Variants in B3GALT5 observed in about 807,000 individuals in gnomAD.
B3GALT5 encodes the protein UDP-Gal:betaGlcNAc beta 1,3-galactosyltransferase, polypeptide 5.
For synonymous variants in B3GALT5, 156 were observed against 158.6 expected, an observed-to-expected ratio of 0.98 and a Z score of 0.12; for missense variants, 328 against 396.6, an observed-to-expected ratio of 0.83 and a Z score of 1.47.
chr21:39,652,125 T>C (rs1261554496), intron 2 of B3GALT5, among the ~76,000 whole-genome samples: 1 of 152,150 alleles, frequency 6.6e-6, no homozygotes, highest in Non-Finnish European at 1.5e-5. Flanking sequence ...ATTGTCCTTG[T>C]AGCAGCAGGT....
intron 1 of B3GALT5, among the ~76,000 whole-genome samples, chr21:39,622,148 C>T (rs2079137349): frequency 6.6e-6 from 1 of 151,664 alleles, no homozygotes; most frequent in South Asian, 2.1e-4. Flanking sequence ...TTTTTGAGGC[C>T]TACTTTTGAA....
intron 1 of B3GALT5, among the ~76,000 whole-genome samples, chr21:39,615,049 A>G (rs375018275): frequency 2.4e-5 from 3 of 124,768 alleles, no homozygotes; most frequent in Admixed American, 1.6e-4. Context: ...GTGGCCCTGC[A>G]TAAACCCAGG....
Position 39,666,949 on chromosome 21 carries a change from A to G in B3GALT5, c.*5457A>G, listed in dbSNP as rs1465097722. 1 of 152,116 alleles carries G rather than the reference A, an allele frequency of 6.6e-6. No homozygotes were observed. Among genetic ancestry groups the G allele is most frequent in the South Asian group, 2.1e-4 (1 of 4,822 alleles). The allele number at this position is 152,116 out of a possible 1,614,324, so 9.4% of individuals were successfully genotyped here. A position where few individuals can be genotyped will look rare whatever the true frequency, so the allele number is the denominator to read the frequency against. On this transcript the variant is annotated 3_prime_UTR_variant, in exon 4 of 4. Transcript: ENST00000684187. ...ACGGGCCTGTCCCTGCCACTTTCCA[A>G]TCTGTCCTCCACTTGACATTTGGAG...
chr21:39,622,595 G>C (rs2079139704), intron 1 of B3GALT5, among the ~76,000 whole-genome samples: 2 of 151,920 alleles, frequency 1.3e-5, no homozygotes, highest in South Asian at 4.2e-4. Context: ...TATCTTTCCT[G>C]CCTATCGTTG....
At chr21:39,653,817 G>A (rs2079416763) in intron 2 of B3GALT5, among the ~76,000 whole-genome samples, 1 of 152,326 alleles carries the variant, frequency 6.6e-6, no homozygotes, top group Admixed American at 6.5e-5. Flanking sequence ...AGCCCTAGGG[G>A]CAGTGACCAT....
At position 39,617,981 on chromosome 21, in the gene B3GALT5, A is replaced by T. The variant is rs539881022; in HGVS notation, c.-392+4914A>T. ...AGCGAATCCTCATCTCTATGAAAAA[A>T]ATAAATAAATAAAAAATAAAAAATT... On this transcript the variant is annotated intron_variant, in intron 1 of 3. Transcript: ENST00000684187. Among the ~76,000 whole-genome samples, 11 of 147,688 alleles carry T rather than the reference A, an allele frequency of 7.4e-5. 1 individual carries two copies. In the South Asian group the frequency reaches 2.2e-3, roughly 30 times the overall value.
rs1569212274 is a variant in B3GALT5, at chr21:39,639,386, C to CTTT, written c.-391-7006_-391-7005insTTT. On this transcript the variant is annotated intron_variant, in intron 1 of 3. Transcript: ENST00000684187. ...TCCTTCCTTCCTTCCTTCCTTCCTT[C>CTTT]CTTCCTTCTTTCTTTTTCTTTCTTT... 4.6e-4 allele frequency among the ~76,000 whole-genome samples: 57 copies of CTTT among 124,400 alleles called. 1 individual carries two copies. The highest frequency in any genetic ancestry group is 1.3e-3 in the African/African-American group (43 of 32,700). 81.6% of individuals were successfully genotyped at this position (124,400 alleles called of 152,430 possible).
intron 1 of B3GALT5, among the ~76,000 whole-genome samples, chr21:39,623,399 TC>T (rs2079148258): frequency 6.6e-6 from 1 of 152,020 alleles, no homozygotes; most frequent in South Asian, 2.1e-4. Flanking sequence ...ATATATTTGA[TC>T]AATTTCTGTG....
Position 39,672,624 on chromosome 21 carries a change from T to C in B3GALT5, c.*11132T>C, listed in dbSNP as rs996491985. 4 of 152,224 alleles carry C rather than the reference T, an allele frequency of 2.6e-5. No individual in the cohort carries two copies. Among genetic ancestry groups the C allele is most frequent in the Non-Finnish European group, 4.4e-5 (3 of 68,042 alleles). The allele number at this position is 152,224 out of a possible 1,614,324, so 9.4% of individuals were successfully genotyped here. ...AACTAGGTGAGTTTTAGGTTGTCGA[T>C]TGATGTGATAATTCACTCTTCCCGA... On this transcript the variant is annotated 3_prime_UTR_variant, in exon 4 of 4. Coordinates refer to ENST00000684187, the MANE Select transcript of B3GALT5 (RefSeq NM_001356336.2).
chr21:39,664,972 A>G lies in B3GALT5; in HGVS notation c.*3480A>G, dbSNP rs925925240. On this transcript the variant is annotated 3_prime_UTR_variant, in exon 4 of 4. Transcript: ENST00000684187. ...TCCTCCGAGGGGCCCACCTTGTCTC[A>G]TGGCTTTAAATATGTTGATGATGTT... is the stretch of plus-strand genomic sequence containing the variant. The G allele has an allele frequency of 6.6e-6, 1 of 152,020 alleles. No homozygotes were observed. Among genetic ancestry groups the G allele is most frequent in the African/African-American group, 2.4e-5 (1 of 41,316 alleles). 9.4% of individuals were successfully genotyped at this position (152,020 alleles called of 1,614,324 possible). A position where few individuals can be genotyped will look rare whatever the true frequency, so the allele number is the denominator to read the frequency against.
chr21:39,621,787 T>A (rs2079135815), intron 1 of B3GALT5, among the ~76,000 whole-genome samples: 1 of 152,082 alleles, frequency 6.6e-6, no homozygotes, highest in Non-Finnish European at 1.5e-5. Flanking sequence ...TTTATTTCTG[T>A]CTCTTTTTTT....
rs552080702 is a variant in B3GALT5, at chr21:39,672,746, T to C, written c.*11254T>C. ...TGTACCTGGAAAAATATTTTTACAA[T>C]TTATTTTGATTTTATATGTGTAGAA... is the stretch of plus-strand genomic sequence containing the variant. On this transcript the variant is annotated 3_prime_UTR_variant, in exon 4 of 4. Transcript: ENST00000684187. The C allele has an allele frequency of 6.6e-6, 1 of 152,310 alleles. No homozygotes were observed. Among genetic ancestry groups the C allele is most frequent in the East Asian group, 1.9e-4 (1 of 5,180 alleles). The allele number at this position is 152,310 out of a possible 1,614,324, so 9.4% of individuals were successfully genotyped here.
rs1602314401 is a variant in B3GALT5, at chr21:39,663,848, A to T, written c.*2356A>T. The T allele has an allele frequency of 1.3e-5, 2 of 152,158 alleles. No homozygotes were observed. The highest frequency in any genetic ancestry group is 1.3e-4 in the Admixed American group (2 of 15,266). The allele number at this position is 152,158 out of a possible 1,614,324, so 9.4% of individuals were successfully genotyped here. A position where few individuals can be genotyped will look rare whatever the true frequency, so the allele number is the denominator to read the frequency against. On this transcript the variant is annotated 3_prime_UTR_variant, in exon 4 of 4. Transcript: ENST00000684187. The stretch of plus-strand genomic sequence containing the variant: ...GGTTTCCTGGTGCTGTCTTGTCTGG[A>T]TGTGAGAGTGAGAAACAATGTGAAA...
At position 39,658,139 on chromosome 21, in the gene B3GALT5, C is replaced by G. The variant is rs201954657; in HGVS notation, c.-160-1614C>G. Among the ~76,000 whole-genome samples, 3 of 152,316 alleles carry G rather than the reference C, an allele frequency of 2.0e-5. No homozygotes were observed. In the East Asian group the frequency reaches 5.8e-4, roughly 29 times the overall value. On this transcript the variant is annotated intron_variant, in intron 2 of 3. Transcript: ENST00000684187. ...GACTCAGCCAAAGATGCAGATGTCT[C>G]ATATATGAGGATTCTGAGCTGTGAC...
chr21:39,645,632 A>C lies in B3GALT5; in HGVS notation c.-391-760A>C, dbSNP rs117631156. On this transcript the variant is annotated intron_variant, in intron 1 of 3. Coordinates refer to ENST00000684187, the MANE Select transcript of B3GALT5 (RefSeq NM_001356336.2). ...GCTTGGACACACTGAGGTGCTGGAG[A>C]CCAGCAGCACCTCCTGGACTAGCTC... Among the ~76,000 whole-genome samples, 237 of 152,106 alleles carry C rather than the reference A, an allele frequency of 1.6e-3. 6 individuals carry two copies. In the East Asian group the frequency reaches 0.038, roughly 24 times the overall value.
intron 2 of B3GALT5, among the ~76,000 whole-genome samples, chr21:39,652,309 G>A (rs958158035): frequency 3.9e-5 from 6 of 152,218 alleles, no homozygotes; most frequent in Non-Finnish European, 5.9e-5. Flanking sequence ...CATATAACTG[G>A]ATGGGTGGTG....
intron 1 of B3GALT5, among the ~76,000 whole-genome samples, chr21:39,621,967 T>G (rs971883514): frequency 8.5e-5 from 13 of 152,112 alleles, no homozygotes; most frequent in African/African-American, 2.9e-4. Context: ...TTGCTCTTTT[T>G]TCGTAGCTTC....
chr21:39,658,902 A>T (rs1382888765), intron 2 of B3GALT5, among the ~76,000 whole-genome samples: 1 of 152,206 alleles, frequency 6.6e-6, no homozygotes, highest in East Asian at 1.9e-4. Flanking sequence ...TATGTAGAAC[A>T]GAATTTTGAC....
chr21:39,655,846 G>A (rs989714119), intron 2 of B3GALT5, among the ~76,000 whole-genome samples: 1 of 152,136 alleles, frequency 6.6e-6, no homozygotes, highest in East Asian at 1.9e-4. Context: ...CCAGTTTCCA[G>A]TGGAGAAGCA....
Sources: allele counts gnomAD v4.1 joint callset (sites outside exome capture counted in the v4.1 genomes callset), GRCh38; gene constraint gnomAD v4.1.1; transcripts MANE v1.5; gene names NCBI Gene and HGNC (gene_info 2026-07-23, HGNC 2026-07-21).